The following UBE2QL1 variants were observed in gnomAD, a reference collection of about 807,000 sequenced individuals.
UBE2QL1 encodes ubiquitin conjugating enzyme E2 QL1.
Under a neutral mutation model 12.6 loss-of-function variants are expected in UBE2QL1, and 5 were observed. The ratio of observed to expected loss-of-function variants is 0.40; its 90% confidence interval spans 0.21 to 0.83. The LOEUF is 0.83. UBE2QL1 is among the 40% of genes least tolerant of loss of function. The pLI, the probability that UBE2QL1 is intolerant of heterozygous loss-of-function variation, is 0.37. For missense variants in UBE2QL1, 99 were observed against 222.6 expected, an observed-to-expected ratio of 0.44 and a Z score of 3.53; for synonymous variants, 96 against 94.5, an observed-to-expected ratio of 1.02 and a Z score of -0.10.
chr5:6,451,953 G>A (rs761031062), intron 1 of UBE2QL1, among the ~76,000 whole-genome samples: 12 of 152,156 alleles, frequency 7.9e-5, no homozygotes, highest in Non-Finnish European at 1.6e-4. Context: ...CTACCAAACC[G>A]ATAATTACTT....
At chr5:6,465,616 T>A (rs272480) in intron 1 of UBE2QL1, among the ~76,000 whole-genome samples, 2 of 152,142 alleles carry the variant, frequency 1.3e-5, no homozygotes, top group South Asian at 2.1e-4. Flanking sequence ...CAGGGACTCT[T>A]GGGGGGGCTC....
Position 6,495,115 on chromosome 5 carries a change from G to A in UBE2QL1, c.*3766G>A, listed in dbSNP as rs1194567549. On this transcript the variant is annotated 3_prime_UTR_variant, in exon 2 of 2. Coordinates refer to ENST00000399816, the MANE Select transcript of UBE2QL1 (RefSeq NM_001145161.3). ...GGTGTAGAAATGGGAGGGGCTGAGG[G>A]CACCTTGAAAGGGAGCGTGGACTCT... Among the ~76,000 whole-genome samples the A allele has an allele frequency of 6.6e-6, 1 of 152,102 alleles. No homozygotes were observed. Among genetic ancestry groups the A allele is most frequent in the Admixed American group, 6.5e-5 (1 of 15,280 alleles).
In UBE2QL1 at chr5:6,479,782, A is replaced by T. The variant is rs529331139; in HGVS notation, c.355-11436A>T. On this transcript the variant is annotated intron_variant, in intron 1 of 1. Transcript: ENST00000399816. The surrounding 1 kb of genome is among the most constrained non-coding windows in gnomAD (Gnocchi z 4.2). The stretch of plus-strand genomic sequence containing the variant: ...GTCCTGGCCAAAATGACAAACACAG[A>T]CTGCCCCCATCATCTCGGGACAGAG... Among the ~76,000 whole-genome samples, 4 of 152,298 alleles carry T rather than the reference A, an allele frequency of 2.6e-5. No individual in the cohort carries two copies. In the East Asian group the frequency reaches 7.7e-4, roughly 29 times the overall value.
intron 1 of UBE2QL1, among the ~76,000 whole-genome samples, chr5:6,489,154 G>A (rs1734519033): frequency 2.6e-5 from 4 of 152,068 alleles, no homozygotes; most frequent in East Asian, 1.9e-4. Context: ...GGTGTGCATC[G>A]TGGCACATGC....
rs192299811 is a variant in UBE2QL1 at position 6,477,579 on chromosome 5, A to G, written c.355-13639A>G. On this transcript the variant is annotated intron_variant, in intron 1 of 1. Coordinates refer to ENST00000399816, the MANE Select transcript of UBE2QL1 (RefSeq NM_001145161.3). ...CTTTGTTCAAAATAAAGAGGTTAAA[A>G]GAGAGACCATTTAGGCAGAAAGTTG... 2.6e-3 allele frequency among the ~76,000 whole-genome samples: 392 copies of G among 152,386 alleles called. 7 individuals are homozygous for G. The highest frequency in any genetic ancestry group is 6.2e-4 in the Non-Finnish European group (42 of 68,042).
intron 1 of UBE2QL1, among the ~76,000 whole-genome samples, chr5:6,464,571 A>G (rs180792382): frequency 2.0e-5 from 3 of 152,270 alleles, no homozygotes; most frequent in Non-Finnish European, 2.9e-5. Flanking sequence ...GAACTTGAAC[A>G]GTTTCTGGAG....
intron 1 of UBE2QL1, 21 bp downstream of exon 1, chr5:6,449,268 C>CT: frequency 7.4e-7 from 1 of 1,359,160 alleles, no homozygotes; most frequent in Non-Finnish European, 9.4e-7. Context: ...CGCGCCGGGG[C>CT]TGGGGGCGCG....
At position 6,491,205 on chromosome 5, in the gene UBE2QL1, T is replaced by C. The variant is rs1277423067; in HGVS notation, c.355-13T>C. ...TGACGTTCTAACCTGGTTTTTCTTC[T>C]CATCTCACGCAGGGACGGATCTGTA... is the stretch of plus-strand genomic sequence containing the variant. On this transcript the variant is annotated splice_polypyrimidine_tract_variant and intron_variant, in intron 1 of 1. Coordinates refer to ENST00000399816, the MANE Select transcript of UBE2QL1 (RefSeq NM_001145161.3). 6.6e-7 allele frequency: 1 copy of C among 1,525,840 alleles called. No individual in the cohort carries two copies. The highest frequency in any genetic ancestry group is 1.3e-5 in the South Asian group (1 of 79,500). 94.5% of individuals were successfully genotyped at this position (1,525,840 alleles called of 1,614,324 possible). A position where few individuals can be genotyped will look rare whatever the true frequency, so the allele number is the denominator to read the frequency against.
intron 1 of UBE2QL1, among the ~76,000 whole-genome samples, chr5:6,452,310 G>A (rs558995177): frequency 5.3e-5 from 8 of 152,212 alleles, no homozygotes; most frequent in Non-Finnish European, 1.0e-4. Context: ...TCTCTTGCAT[G>A]TTGCTGTCTG....
At chr5:6,449,913 G>A (rs920545666) in intron 1 of UBE2QL1, among the ~76,000 whole-genome samples, 13 of 126,160 alleles carry the variant, frequency 1.0e-4, no homozygotes, top group Non-Finnish European at 2.1e-4. Flanking sequence ...CAGGGGACTC[G>A]GGTGGGAGAT....
At chr5:6,470,033 A>G (rs907583548) in intron 1 of UBE2QL1, among the ~76,000 whole-genome samples, 6 of 152,194 alleles carry the variant, frequency 3.9e-5, no homozygotes, top group African/African-American at 1.2e-4. Context: ...CCGGGGCCGC[A>G]GTGTTCAGAG....
chr5:6,475,153 C>A (rs1018571751), intron 1 of UBE2QL1, among the ~76,000 whole-genome samples: 2 of 152,136 alleles, frequency 1.3e-5, no homozygotes, highest in Admixed American at 6.5e-5. Context: ...TATTGCAATG[C>A]CCTTATACAA....
intron 1 of UBE2QL1, among the ~76,000 whole-genome samples, chr5:6,486,793 TG>T (rs1734476285): frequency 6.6e-6 from 1 of 152,156 alleles, no homozygotes. Context: ...TTTGCTCCTG[TG>T]GGGACGTTTA....
intron 1 of UBE2QL1, among the ~76,000 whole-genome samples, chr5:6,453,520 A>C (rs917437367): frequency 6.6e-6 from 1 of 152,204 alleles, no homozygotes; most frequent in African/African-American, 2.4e-5. Flanking sequence ...TTTCAGGACA[A>C]GTTCTGTTTG....
At chr5:6,465,741 C>T (rs1318613468) in intron 1 of UBE2QL1, among the ~76,000 whole-genome samples, 6 of 152,198 alleles carry the variant, frequency 3.9e-5, no homozygotes, top group Non-Finnish European at 8.8e-5. Flanking sequence ...GCGTGGGAAT[C>T]GCTGCTGGAA....
rs1184726821 is a variant in UBE2QL1 at position 6,478,426 on chromosome 5, T to A, written c.355-12792T>A. 6.6e-6 allele frequency among the ~76,000 whole-genome samples: 1 copy of A among 152,222 alleles called. No individual in the cohort carries two copies. On this transcript the variant is annotated intron_variant, in intron 1 of 1. Transcript: ENST00000399816. The surrounding 1 kb of genome is among the most constrained non-coding windows in gnomAD (Gnocchi z 4.5). The stretch of plus-strand genomic sequence containing the variant: ...GTGAAAGCACCAGGCGCCATTTACC[T>A]GGGTTGTCTGTGAAAATCACGCGTT...
intron 1 of UBE2QL1, among the ~76,000 whole-genome samples, chr5:6,450,398 T>A (rs13172376): frequency 0.13 from 19,328 of 152,186 alleles, 1,786 homozygotes; most frequent in East Asian, 0.43. Context: ...GATGGTGTTA[T>A]CTGCTCGAAT....
At chr5:6,453,160 G>A (rs986947749) in intron 1 of UBE2QL1, among the ~76,000 whole-genome samples, 6 of 152,204 alleles carry the variant, frequency 3.9e-5, no homozygotes, top group African/African-American at 1.4e-4. Context: ...GAGGATGTTT[G>A]AATCTCCCTG....
intron 1 of UBE2QL1, among the ~76,000 whole-genome samples, chr5:6,462,913 G>A (rs115628421): frequency 1.9e-3 from 287 of 152,372 alleles, no homozygotes; most frequent in African/African-American, 6.4e-3. Flanking sequence ...AAAAATAATA[G>A]TGTGCAATTA....
Sources: gnomAD v4.1 joint callset for allele counts (sites outside exome capture counted in the v4.1 genomes callset) on GRCh38, gnomAD v4.1.1 for gene constraint, Gnocchi (gnomAD v3.1) non-coding constraint, MANE v1.5 for transcripts, NCBI Gene and HGNC (gene_info 2026-07-23, HGNC 2026-07-21) for gene names.